The following WWOX variants were observed in gnomAD, a reference collection of about 807,000 sequenced individuals.
WWOX encodes the protein WW domain-containing oxidoreductase.
Under a neutral mutation model 46.2 loss-of-function variants are expected in WWOX, and 69 were observed. The observed-to-expected ratio is 1.49, with a 90% CI of 1.23 to 1.82. WWOX has a LOEUF of 1.82. Ranked by LOEUF, WWOX falls within the 40% of genes most tolerant of loss-of-function variation. The pLI is 0.00. For synonymous variants in WWOX, 359 were observed against 202.6 expected (o/e 1.77, Z -6.56); for missense variants, 919 against 542.6 (o/e 1.69, Z -6.89).
chr16:78,766,389 C>T (rs1336086996), intron 8 of WWOX, among the ~76,000 whole-genome samples: 1 of 152,142 alleles, frequency 6.6e-6, no homozygotes, highest in African/African-American at 2.4e-5. Flanking sequence ...GAGGCTATGG[C>T]TTCAAAACCA....
chr16:78,614,465 A>G (rs1179094547), intron 8 of WWOX, among the ~76,000 whole-genome samples: 1 of 152,224 alleles, frequency 6.6e-6, no homozygotes, highest in African/African-American at 2.4e-5. Context: ...TGAGGGCGGC[A>G]GGTCCTCTGG....
intron 8 of WWOX, among the ~76,000 whole-genome samples, chr16:78,942,840 C>T (rs1045213296): frequency 3.9e-5 from 6 of 152,142 alleles, no homozygotes; most frequent in African/African-American, 1.4e-4. Flanking sequence ...ATTCCAAATC[C>T]CGTGGCTCAG....
chr16:78,912,507 C>G (rs919595364), intron 8 of WWOX, among the ~76,000 whole-genome samples: 1 of 151,824 alleles, frequency 6.6e-6, no homozygotes, highest in Non-Finnish European at 1.5e-5. Flanking sequence ...TGCTGGTGAT[C>G]AAGAAATGCC....
intron 4 of WWOX, among the ~76,000 whole-genome samples, chr16:78,152,301 A>G (rs555351175): frequency 5.9e-5 from 9 of 152,148 alleles, no homozygotes; most frequent in African/African-American, 2.2e-4. Flanking sequence ...CATGCAATAT[A>G]ATTTATATAA....
Position 78,702,042 on chromosome 16 carries a change from T to TATATATATATATATAA in WWOX, c.1056+269293_1056+269294insTATATATATATAAATA, listed in dbSNP as rs1229780052. ...ATATATATATATATATATATATATA[T>TATATATATATATATAA]ATAAAATAATGCAGAAGTTTTATAT... On this transcript the variant is annotated intron_variant, in intron 8 of 8. Coordinates refer to ENST00000566780, the MANE Select transcript of WWOX (RefSeq NM_016373.4). Among the ~76,000 whole-genome samples, 50 of 120,916 alleles carry TATATATATATATATAA rather than the reference T, an allele frequency of 4.1e-4. 1 individual carries two copies. Among genetic ancestry groups the TATATATATATATATAA allele is most frequent in the African/African-American group, 1.8e-3 (47 of 26,606 alleles). 79.3% of individuals were successfully genotyped at this position (120,916 alleles called of 152,430 possible).
At chr16:78,977,223 A>T (rs1555506124) in intron 8 of WWOX, among the ~76,000 whole-genome samples, 1 of 152,106 alleles carries the variant, frequency 6.6e-6, no homozygotes, top group Non-Finnish European at 1.5e-5. Context: ...CAGACAGGAG[A>T]GCCCTGAGAG....
chr16:78,532,546 A>G (rs1230734957), intron 8 of WWOX, among the ~76,000 whole-genome samples: 1 of 152,202 alleles, frequency 6.6e-6, no homozygotes, highest in Non-Finnish European at 1.5e-5. Context: ...GAGTTTAACA[A>G]AAGACTGTAT....
At chr16:78,902,142 G>A (rs1293141568) in intron 8 of WWOX, among the ~76,000 whole-genome samples, 2 of 152,184 alleles carry the variant, frequency 1.3e-5, no homozygotes, top group African/African-American at 4.8e-5. Context: ...CAGGAAGCAA[G>A]GGAAACATTT....
At chr16:79,056,416 C>T (rs1224075706) in intron 8 of WWOX, among the ~76,000 whole-genome samples, 1 of 152,162 alleles carries the variant, frequency 6.6e-6, no homozygotes, top group African/African-American at 2.4e-5. Flanking sequence ...AGGCCTGTGC[C>T]TTGTCCTGTG....
intron 8 of WWOX, among the ~76,000 whole-genome samples, chr16:78,570,560 C>A (rs1030101853): frequency 6.6e-6 from 1 of 152,010 alleles, no homozygotes; most frequent in Non-Finnish European, 1.5e-5. Context: ...GTGATCCTCC[C>A]GCCTCTGCCT....
intron 8 of WWOX, among the ~76,000 whole-genome samples, chr16:78,642,411 T>A (rs995964790): frequency 6.6e-6 from 1 of 152,218 alleles, no homozygotes; most frequent in African/African-American, 2.4e-5. Flanking sequence ...CTCTCCTTGC[T>A]TCTTTCTCTT....
chr16:78,119,291 A>G lies in WWOX; in HGVS notation c.409+4137A>G, dbSNP rs188799662. ...TGCAAATGTTGGGAAGTGTTAGGAAAGGGAATTTTTTTAGGCGAGGGAATT... is the reference window on the plus strand; with the variant it reads ...TGCAAATGTTGGGAAGTGTTAGGAAGGGGAATTTTTTTAGGCGAGGGAATT... On this transcript the variant is annotated intron_variant, in intron 4 of 8. Coordinates refer to ENST00000566780, the MANE Select transcript of WWOX (RefSeq NM_016373.4). Among the ~76,000 whole-genome samples, 3 of 152,318 alleles carry G rather than the reference A, an allele frequency of 2.0e-5. No individual in the cohort carries two copies. The East Asian group carries it at 5.8e-4, about 29-fold the overall frequency.
intron 8 of WWOX, among the ~76,000 whole-genome samples, chr16:78,611,925 C>A (rs145302800): frequency 3.7e-4 from 57 of 152,288 alleles, no homozygotes; most frequent in Middle Eastern, 6.8e-3. Context: ...AAGCCAGAAG[C>A]CAATGAGCTA....
chr16:79,204,916 A>G (rs536810022), intron 8 of WWOX: 2 of 152,254 alleles, frequency 1.3e-5, no homozygotes, highest in African/African-American at 2.4e-5. Flanking sequence ...TTTCCAATTC[A>G]TTCTCCTCTC....
At chr16:79,143,580 A>G (rs2050130525) in intron 8 of WWOX, among the ~76,000 whole-genome samples, 1 of 152,214 alleles carries the variant, frequency 6.6e-6, no homozygotes, top group African/African-American at 2.4e-5. Flanking sequence ...GTTAGAAAAA[A>G]TAGTTTTAGG....
At chr16:78,565,192 T>C (rs2044535664) in intron 8 of WWOX, among the ~76,000 whole-genome samples, 1 of 152,238 alleles carries the variant, frequency 6.6e-6, no homozygotes, top group Non-Finnish European at 1.5e-5. Context: ...TCACTGTGTT[T>C]CTTTCCTCTT....
At chr16:78,754,873 C>T (rs1235834333) in intron 8 of WWOX, among the ~76,000 whole-genome samples, 1 of 152,148 alleles carries the variant, frequency 6.6e-6, no homozygotes, top group Non-Finnish European at 1.5e-5. Context: ...TACTCACAGT[C>T]TGTGCTGTGT....
chr16:78,221,653 CGAGGTTG>C (rs1204241823), intron 5 of WWOX, among the ~76,000 whole-genome samples: 20 of 152,250 alleles, frequency 1.3e-4, no homozygotes, highest in African/African-American at 4.8e-4. Context: ...TATCTGGAAC[CGAGGTTG>C]CTAATTAATG....
intron 8 of WWOX, among the ~76,000 whole-genome samples, chr16:79,163,919 G>C (rs1274731185): frequency 1.3e-5 from 2 of 150,032 alleles, no homozygotes. Flanking sequence ...GGCTGTATCT[G>C]TCGAGTTGCT....
Sources: allele counts gnomAD v4.1 joint callset (sites outside exome capture counted in the v4.1 genomes callset), GRCh38; gene constraint gnomAD v4.1.1; transcripts MANE v1.5; gene names NCBI Gene and HGNC (gene_info 2026-07-23, HGNC 2026-07-21).